Variants in RIMS1 observed in about 807,000 individuals in gnomAD.
RIMS1 encodes regulating synaptic membrane exocytosis protein 1.
In RIMS1, 83 loss-of-function variants were observed where a neutral mutation model predicts 214.1. The ratio of observed to expected loss-of-function variants is 0.39; its 90% CI spans 0.32 to 0.47. The LOEUF is 0.47. Ranked by LOEUF, RIMS1 falls within the 20% of genes least tolerant of loss-of-function variation. The probability of loss-of-function intolerance (pLI) is 0.99; values close to 1 mark genes in which losing one functional copy is unlikely to be tolerated. For synonymous variants in RIMS1, 793 were observed against 786.8 expected (o/e 1.01, Z -0.13); for missense variants, 2,050 against 2,161.8 (o/e 0.95, Z 1.03).
rs78062087 is a variant in RIMS1, at chr6:72,238,041, A to G, written c.1957+119A>G. 9,228 of 500,700 alleles carry G rather than the reference A, an allele frequency of 0.018. 104 individuals carry two copies. Among genetic ancestry groups the G allele is most frequent in the Non-Finnish European group, 0.025 (7,067 of 286,474 alleles). The allele number at this position is 500,700 out of a possible 1,614,324, so 31.0% of individuals were successfully genotyped here. ...TACATACATACATGTATGTATGTAT[A>G]TATCAATTAAGTCACTAAATTTTAA... is the stretch of plus-strand genomic sequence containing the variant. On this transcript the variant is annotated intron_variant, in intron 9 of 33. Coordinates refer to ENST00000521978, the MANE Select transcript of RIMS1 (RefSeq NM_014989.7).
At chr6:72,291,374 G>A (rs868424386) in intron 25 of RIMS1, among the ~76,000 whole-genome samples, 1 of 152,144 alleles carries the variant, frequency 6.6e-6, no homozygotes, top group South Asian at 2.1e-4. Flanking sequence ...TAATTTTAAT[G>A]CTAGCACCAG....
Position 72,218,309 on chromosome 6 carries a change from G to A in RIMS1, c.1679-15464G>A, listed in dbSNP as rs75377403. Among the ~76,000 whole-genome samples the A allele has an allele frequency of 9.5e-3, 1,440 of 152,218 alleles. 14 individuals are homozygous for A. The highest frequency in any genetic ancestry group is 0.015 in the Non-Finnish European group (1,044 of 67,996). On this transcript the variant is annotated intron_variant, in intron 6 of 33. Transcript: ENST00000521978. The stretch of plus-strand genomic sequence containing the variant: ...TGAAAGTCGGCCAGGGACAAGGGCT[G>A]TCCTCACTGCTCACTTGCTCCCCCT...
chr6:72,165,653 A>C (rs1313300827), intron 4 of RIMS1, among the ~76,000 whole-genome samples: 3 of 152,196 alleles, frequency 2.0e-5, no homozygotes, highest in East Asian at 1.9e-4. Context: ...TGCTCCTTGC[A>C]TGCAGTAAGA....
At chr6:72,387,803 C>T (rs529702148) in intron 29 of RIMS1, among the ~76,000 whole-genome samples, 3 of 152,312 alleles carry the variant, frequency 2.0e-5, no homozygotes, top group South Asian at 4.2e-4. Context: ...CCTACCCTTT[C>T]AGTAGCATTT....
Position 71,953,271 on chromosome 6 carries a change from G to A in RIMS1, c.165-15712G>A, listed in dbSNP as rs78419726. Among the ~76,000 whole-genome samples the A allele has an allele frequency of 4.1e-3, 629 of 152,238 alleles. 4 individuals are homozygous for A. Among genetic ancestry groups the A allele is most frequent in the African/African-American group, 0.014 (589 of 41,538 alleles). ...CCCAAAGTTCTGGAATTACAGGTGT[G>A]AGCCACCTCGCCCGGTCAAGGAGCA... is the stretch of plus-strand genomic sequence containing the variant. On this transcript the variant is annotated intron_variant, in intron 1 of 33. Coordinates refer to ENST00000521978, the MANE Select transcript of RIMS1 (RefSeq NM_014989.7).
chr6:72,088,484 C>A (rs1039673711), intron 2 of RIMS1, among the ~76,000 whole-genome samples: 1 of 152,082 alleles, frequency 6.6e-6, no homozygotes, highest in Non-Finnish European at 1.5e-5. Context: ...TCTCGAACTC[C>A]TGACCTTAGG....
chr6:72,045,329 C>T lies in RIMS1; in HGVS notation c.246-51620C>T, dbSNP rs73750329. ...ATTATATTTTATTTTATTCACCTGA[C>T]ATAAAAAATAAAAGACAGAGGAACA... On this transcript the variant is annotated intron_variant, in intron 2 of 33. Transcript: ENST00000521978. Among the ~76,000 whole-genome samples, 463 of 151,790 alleles carry T rather than the reference C, an allele frequency of 3.1e-3. 1 individual carries two copies. Among genetic ancestry groups the T allele is most frequent in the African/African-American group, 0.011 (439 of 41,458 alleles).
Position 72,234,479 on chromosome 6 carries a change from C to G in RIMS1, c.1746+639C>G, listed in dbSNP as rs139939326. Among the ~76,000 whole-genome samples, 29 of 152,094 alleles carry G rather than the reference C, an allele frequency of 1.9e-4. No homozygotes were observed. The East Asian group carries it at 5.4e-3, about 28-fold the overall frequency. On this transcript the variant is annotated intron_variant, in intron 7 of 33. Transcript: ENST00000521978. ...TTCCCATACACTTCCTTACTCCACCCCTTTCCACCTGTTTACCTTGTTATT... is the reference window on the plus strand; with the variant it reads ...TTCCCATACACTTCCTTACTCCACCGCTTTCCACCTGTTTACCTTGTTATT...
chr6:72,305,746 C>G (rs557092632), intron 26 of RIMS1, among the ~76,000 whole-genome samples: 1 of 152,132 alleles, frequency 6.6e-6, no homozygotes, highest in Admixed American at 6.5e-5. Context: ...ATTGAACTAT[C>G]CTGTAATGGT....
chr6:72,172,881 A>G (rs1277549502), intron 4 of RIMS1, among the ~76,000 whole-genome samples: 1 of 152,132 alleles, frequency 6.6e-6, no homozygotes, highest in African/African-American at 2.4e-5. Context: ...TAGAGTCTCC[A>G]TCCTCCTGCT....
rs1158297408 is a variant in RIMS1 at position 72,179,869 on chromosome 6, C to CAGA, written c.769_771dup (p.Lys257dup). 1.3e-6 allele frequency: 2 copies of CAGA among 1,583,692 alleles called. No individual in the cohort carries two copies. Among genetic ancestry groups the CAGA allele is most frequent in the African/African-American group, 2.7e-5 (2 of 73,888 alleles). On this transcript the variant is annotated inframe_insertion, in exon 5 of 34. Transcript: ENST00000521978. ...CTCGCAGCAAGCCTTGGGGCCTGAA[C>CAGA]AGAAGCAGGCTTCATCCAGGTCTAG...
At chr6:72,006,086 G>T (rs909318379) in intron 2 of RIMS1, among the ~76,000 whole-genome samples, 9 of 152,242 alleles carry the variant, frequency 5.9e-5, no homozygotes, top group African/African-American at 2.2e-4. Flanking sequence ...TTCTTGCTTT[G>T]CTCTCAAGTG....
chr6:72,128,676 G>A (rs2153837218), intron 4 of RIMS1, among the ~76,000 whole-genome samples: 1 of 152,222 alleles, frequency 6.6e-6, no homozygotes, highest in South Asian at 2.1e-4. Flanking sequence ...AATAAATCAA[G>A]AATATTTAAT....
chr6:72,196,603 T>TTTTTTTTTTTTTTTTTTTTTTTTTA (rs780611745), intron 6 of RIMS1, among the ~76,000 whole-genome samples: 1 of 132,208 alleles, frequency 7.6e-6, no homozygotes, highest in Non-Finnish European at 1.6e-5. Context: ...TTTTTTTTTT[T>TTTTTTTTTTTTTTTTTTTTTTTTTA]ACCTATACAG....
chr6:72,164,256 TG>T (rs563199940), intron 4 of RIMS1, among the ~76,000 whole-genome samples: 45 of 152,246 alleles, frequency 3.0e-4, no homozygotes, highest in South Asian at 2.7e-3. Flanking sequence ...AGTATTAGGG[TG>T]GGAGTGACCC....
rs761788674 is a variant in RIMS1 at position 72,250,387 on chromosome 6, A to G, written c.2299A>G (p.Thr767Ala). 5 of 1,609,960 alleles carry G rather than the reference A, an allele frequency of 3.1e-6. No homozygotes were observed. In the East Asian group the frequency reaches 6.7e-5, roughly 22 times the overall value. ...GCTGATTGTAAATGTTCTGCAAGCA[A>G]CAGATCTACCTGCTAGAGTAGATGG... ...HQLIVNVLQA[T>A]DLPARVDGRP... The change falls in exon 13 of 34, where the codon ACA becomes GCA. Residue 767 changes from threonine (T) to alanine (A), a missense_variant. Thr to Ala is a moderately conservative substitution (Grantham distance 58). Transcript: ENST00000521978.
chr6:72,271,278 AAAAAAAAAATATAT>A lies in RIMS1; in HGVS notation c.3399-3069_3399-3056del, dbSNP rs1298564185. Among the ~76,000 whole-genome samples, 63 of 51,282 alleles carry A rather than the reference AAAAAAAAAATATAT, an allele frequency of 1.2e-3. 1 individual carries two copies. Among genetic ancestry groups the A allele is most frequent in the African/African-American group, 3.7e-3 (49 of 13,140 alleles). 33.6% of individuals were successfully genotyped at this position (51,282 alleles called of 152,430 possible). On this transcript the variant is annotated intron_variant, in intron 22 of 33. Coordinates refer to ENST00000521978, the MANE Select transcript of RIMS1 (RefSeq NM_014989.7). ...AAGACTCCATCTCAAGGAAAAAAAA[AAAAAAAAAATATAT>A]ATATATATATATATATATATATATG...
Position 72,183,003 on chromosome 6 carries a change from C to T in RIMS1, c.1532C>T (p.Pro511Leu), listed in dbSNP as rs762402990. ...TCAGACCAGTCCGAGTCGGTGCGGC[C>T]GTCCCCGCCCAAGCCGCACCGGTCC... ...LSSDQSESVR[P>L]SPPKPHRSKR... The change falls in exon 6 of 34, where the codon CCG becomes CTG. Residue 511 changes from proline (P) to leucine (L), a missense_variant. Around this residue, in one of 6 missense-constraint regions of RIMS1, gnomAD observed 882 missense variants for 828.9 expected, o/e 1.06. Coordinates refer to ENST00000521978, the MANE Select transcript of RIMS1 (RefSeq NM_014989.7). 1.3e-6 allele frequency: 2 copies of T among 1,592,860 alleles called. No individual in the cohort carries two copies. The highest frequency in any genetic ancestry group is 1.1e-5 in the South Asian group (1 of 87,662).
At chr6:71,924,099 G>C (rs550963366) in intron 1 of RIMS1, among the ~76,000 whole-genome samples, 1 of 152,254 alleles carries the variant, frequency 6.6e-6, no homozygotes, top group East Asian at 1.9e-4. Context: ...TTAGGCACTT[G>C]CATGTTTCAC....
Sources: gnomAD v4.1 joint callset for allele counts (sites outside exome capture counted in the v4.1 genomes callset) on GRCh38, gnomAD v4.1.1 for gene constraint, gnomAD v4.1.1 regional missense constraint, MANE v1.5 for transcripts, NCBI Gene and HGNC (gene_info 2026-07-23, HGNC 2026-07-21) for gene names.